The following STAC variants were observed in gnomAD, a reference collection of about 807,000 sequenced individuals.
The protein encoded by STAC is SH3 and cysteine-rich domain-containing protein.
In STAC, 43 loss-of-function variants were observed where a neutral mutation model predicts 48.8. That is an observed-to-expected ratio of 0.88 (90% CI 0.69 to 1.14). STAC has a LOEUF of 1.14. STAC is among the 50% of genes most tolerant of loss of function. The probability of loss-of-function intolerance (pLI) is 0.00; values close to 1 mark genes in which losing one functional copy is unlikely to be tolerated. For missense variants in STAC, 497 were observed against 504.0 expected, an observed-to-expected ratio of 0.99 and a Z score of 0.13; for synonymous variants, 193 against 179.5, an observed-to-expected ratio of 1.07 and a Z score of -0.60.
At chr3:36,514,204 CTTTTTTTTTTTTT>C (rs765548085) in intron 8 of STAC, among the ~76,000 whole-genome samples, 131 of 36,442 alleles carry the variant, frequency 3.6e-3, no homozygotes, top group Admixed American at 9.1e-3. Context: ...CACTGGCCTT[CTTTTTTTTTTTTT>C]TTTTTTTTTT....
At position 36,542,677 on chromosome 3, in the gene STAC, A is replaced by C. The variant is rs140065890; in HGVS notation, c.1111-3514A>C. Among the ~76,000 whole-genome samples the C allele has an allele frequency of 6.3e-3, 955 of 152,292 alleles. 6 individuals are homozygous for C. The highest frequency in any genetic ancestry group is 0.01 in the Non-Finnish European group (700 of 68,026). ...ATTAGTACTCTTTTCTTTATTCATTAAGTCATGCAAAAAAATATTATGTTT... is the reference window on the plus strand; with the variant it reads ...ATTAGTACTCTTTTCTTTATTCATTCAGTCATGCAAAAAAATATTATGTTT... On this transcript the variant is annotated intron_variant, in intron 10 of 10. Transcript: ENST00000273183.
intron 2 of STAC, among the ~76,000 whole-genome samples, chr3:36,452,994 G>T (rs1167077973): frequency 6.6e-6 from 1 of 152,216 alleles, no homozygotes; most frequent in Non-Finnish European, 1.5e-5. Context: ...GATCAGACCG[G>T]AATGTCCTAA....
chr3:36,516,010 T>C (rs1698665012), intron 8 of STAC, among the ~76,000 whole-genome samples: 1 of 144,032 alleles, frequency 6.9e-6, no homozygotes, highest in South Asian at 2.3e-4. Flanking sequence ...TGAGACAGAG[T>C]TTCACTCATG....
chr3:36,514,810 G>A (rs1479762385), intron 8 of STAC, among the ~76,000 whole-genome samples: 2 of 152,140 alleles, frequency 1.3e-5, no homozygotes, highest in Non-Finnish European at 2.9e-5. Flanking sequence ...CAAGGCAGGT[G>A]TATTGCCTGA....
intron 2 of STAC, among the ~76,000 whole-genome samples, chr3:36,448,579 T>C (rs1331603380): frequency 6.6e-6 from 1 of 152,122 alleles, no homozygotes; most frequent in African/African-American, 2.4e-5. Context: ...GCTAAGGAGA[T>C]GGTGACCCAG....
intron 5 of STAC, among the ~76,000 whole-genome samples, chr3:36,490,208 CAG>C (rs1697930573): frequency 6.6e-6 from 1 of 152,180 alleles, no homozygotes; most frequent in Admixed American, 6.5e-5. Flanking sequence ...AAGTTTGAAA[CAG>C]AGATCCAAGA....
chr3:36,440,343 G>T (rs1696308700), intron 1 of STAC, among the ~76,000 whole-genome samples: 1 of 152,194 alleles, frequency 6.6e-6, no homozygotes, highest in Non-Finnish European at 1.5e-5. Context: ...TTTAGTTGAA[G>T]AGTGTGTGGG....
At chr3:36,414,037 G>T (rs925905849) in intron 1 of STAC, among the ~76,000 whole-genome samples, 1 of 152,202 alleles carries the variant, frequency 6.6e-6, no homozygotes, top group African/African-American at 2.4e-5. Context: ...TTTCTGCCAG[G>T]AGATCAGCTG....
intron 2 of STAC, among the ~76,000 whole-genome samples, chr3:36,464,226 T>C (rs2125686310): frequency 6.6e-6 from 1 of 152,312 alleles, no homozygotes; most frequent in South Asian, 2.1e-4. Flanking sequence ...TGGTGTGAGA[T>C]GGTATCTCAT....
intron 1 of STAC, among the ~76,000 whole-genome samples, chr3:36,419,914 A>G (rs1023742022): frequency 1.3e-5 from 2 of 152,158 alleles, no homozygotes; most frequent in South Asian, 2.1e-4. Flanking sequence ...AACAACTGCC[A>G]TATGTTTGAT....
rs371539813 is a variant in STAC at position 36,528,825 on chromosome 3, G to C, written c.973-23G>C. The C allele has an allele frequency of 1.4e-5, 23 of 1,609,622 alleles. No homozygotes were observed. The African/African-American group carries it at 2.1e-4, about 15-fold the overall frequency. ...TATAATACATGCTACAATTGTGGAT[G>C]CATGCCTCCTTTTTCCTTTCAGGGG... On this transcript the variant is annotated intron_variant, in intron 9 of 10. Coordinates refer to ENST00000273183, the MANE Select transcript of STAC (RefSeq NM_003149.3).
intron 1 of STAC, among the ~76,000 whole-genome samples, chr3:36,407,814 T>C (rs73059916): frequency 6.6e-6 from 1 of 152,216 alleles, no homozygotes; most frequent in South Asian, 2.1e-4. Flanking sequence ...AGTTTTTGTT[T>C]GTTACAAGTC....
intron 1 of STAC, among the ~76,000 whole-genome samples, chr3:36,405,881 G>A (rs746908960): frequency 3.3e-5 from 5 of 152,058 alleles, no homozygotes; most frequent in Non-Finnish European, 5.9e-5. Flanking sequence ...CACCATGCCC[G>A]ACTGCTTTTT....
intron 1 of STAC, among the ~76,000 whole-genome samples, chr3:36,425,239 C>T (rs906644701): frequency 1.1e-4 from 17 of 152,198 alleles, no homozygotes; most frequent in Admixed American, 9.8e-4. Flanking sequence ...AAGACGTTGA[C>T]ATCAGGTGTT....
chr3:36,484,470 G>A (rs1164129566), intron 3 of STAC, among the ~76,000 whole-genome samples: 2 of 152,182 alleles, frequency 1.3e-5, no homozygotes, highest in Non-Finnish European at 2.9e-5. Context: ...GACCATGAAG[G>A]AGAGGTCAGA....
intron 6 of STAC, among the ~76,000 whole-genome samples, chr3:36,499,748 T>TA (rs1400813694): frequency 3.1e-4 from 47 of 151,260 alleles, no homozygotes; most frequent in African/African-American, 1.2e-3. Context: ...TGTAGAAAAT[T>TA]TAAAAAAACA....
chr3:36,543,982 G>A (rs1354530973), intron 10 of STAC, among the ~76,000 whole-genome samples: 2 of 152,022 alleles, frequency 1.3e-5, no homozygotes, highest in Non-Finnish European at 2.9e-5. Flanking sequence ...CTCAAAGGGC[G>A]GGTGTTTATA....
chr3:36,517,492 T>C (rs898986787), intron 8 of STAC, among the ~76,000 whole-genome samples: 2 of 151,758 alleles, frequency 1.3e-5, no homozygotes, highest in African/African-American at 4.8e-5. Flanking sequence ...TCCACAAAAA[T>C]AGAAATAAAA....
intron 2 of STAC, among the ~76,000 whole-genome samples, chr3:36,462,529 T>C (rs1289312388): frequency 1.3e-5 from 2 of 152,160 alleles, no homozygotes; most frequent in African/African-American, 4.8e-5. Flanking sequence ...GACTGAGCCC[T>C]GGAGCCCTCC....
Sources: allele counts gnomAD v4.1 joint callset (sites outside exome capture counted in the v4.1 genomes callset), GRCh38; gene constraint gnomAD v4.1.1; transcripts MANE v1.5; gene names NCBI Gene and HGNC (gene_info 2026-07-23, HGNC 2026-07-21).